The following TFCP2L1 variants were observed in gnomAD, a reference collection of about 807,000 sequenced individuals.
TFCP2L1 encodes transcription factor CP2-like protein 1.
A neutral mutation model predicts 72.2 loss-of-function variants in TFCP2L1; 12 were observed. The ratio of observed to expected loss-of-function variants is 0.17; its 90% CI spans 0.11 to 0.27. The LOEUF is 0.27. Among genes scored for constraint, TFCP2L1 ranks in the 10% least tolerant of loss-of-function variants. The pLI is 1.00. For missense variants in TFCP2L1, 488 were observed against 624.6 expected, an observed-to-expected ratio of 0.78 and a Z score of 2.33; for synonymous variants, 260 against 251.0, an observed-to-expected ratio of 1.04 and a Z score of -0.34.
rs1686999908 is a variant in TFCP2L1, at chr2:121,269,457, C to T, written c.214+11663G>A. On this transcript the variant is annotated intron_variant, in intron 2 of 14. Coordinates refer to ENST00000263707, the MANE Select transcript of TFCP2L1 (RefSeq NM_014553.3). ...AGGTGAGACCCTGTCAAAACAACAA[C>T]AACAAAAAAACTTTTATTATGGGCT... is the stretch of plus-strand genomic sequence containing the variant. Among the ~76,000 whole-genome samples, 4 of 149,366 alleles carry T rather than the reference C, an allele frequency of 2.7e-5. No individual in the cohort carries two copies. In the South Asian group the frequency reaches 8.8e-4, roughly 33 times the overall value.
intron 2 of TFCP2L1, among the ~76,000 whole-genome samples, chr2:121,252,104 C>T (rs940962561): frequency 6.6e-6 from 1 of 152,188 alleles, no homozygotes; most frequent in Admixed American, 6.5e-5. Flanking sequence ...GGTTAGAGTG[C>T]AGTGGCACAA....
At chr2:121,278,197 C>T (rs1209375379) in intron 2 of TFCP2L1, among the ~76,000 whole-genome samples, 9 of 147,708 alleles carry the variant, frequency 6.1e-5, no homozygotes, top group East Asian at 2.0e-4. Context: ...CCACCGCGCC[C>T]GGCTAATTTT....
chr2:121,265,357 T>C (rs549754520), intron 2 of TFCP2L1, among the ~76,000 whole-genome samples: 20 of 152,310 alleles, frequency 1.3e-4, no homozygotes, highest in African/African-American at 4.6e-4. Context: ...AGGATTTCTC[T>C]AAGAAGGGAC....
At chr2:121,251,157 G>A (rs1449773149) in intron 2 of TFCP2L1, among the ~76,000 whole-genome samples, 1 of 151,802 alleles carries the variant, frequency 6.6e-6, no homozygotes, top group Non-Finnish European at 1.5e-5. Context: ...TCAGGAGACT[G>A]AGACAGGAGA....
intron 2 of TFCP2L1, among the ~76,000 whole-genome samples, chr2:121,257,237 C>G (rs1323835501): frequency 6.6e-6 from 1 of 152,054 alleles, no homozygotes; most frequent in Non-Finnish European, 1.5e-5. Flanking sequence ...CCACTCACCA[C>G]CCACCCCCAC....
intron 8 of TFCP2L1, among the ~76,000 whole-genome samples, chr2:121,238,170 G>A (rs1686290246): frequency 6.6e-6 from 1 of 152,104 alleles, no homozygotes; most frequent in Non-Finnish European, 1.5e-5. Context: ...TCTTGAACTT[G>A]GAGATTCAAA....
Position 121,242,385 on chromosome 2 carries a change from A to T in TFCP2L1, c.742T>A (p.Ser248Thr). ...TAQEKEKYQP[S>T]YETTILTECS... is the part of the protein sequence containing the mutation. The stretch of plus-strand genomic sequence containing the variant: ...TCTGTGAGGATGGTGGTTTCATAGG[A>T]CGGCTGGTATTTCTCCTTCTCTTGG... The change falls in exon 7 of 15, where the codon TCC becomes ACC. Residue 248 changes from serine to threonine, a missense_variant. By Grantham distance (58) the Ser-to-Thr change is moderately conservative (BLOSUM62 1). Around this residue, in one of 3 missense-constraint regions of TFCP2L1, gnomAD observed 286 missense variants for 329.0 expected, o/e 0.87. Transcript: ENST00000263707. The T allele has an allele frequency of 6.2e-7, 1 of 1,614,070 alleles. No individual in the cohort carries two copies. Among genetic ancestry groups the T allele is most frequent in the Non-Finnish European group, 8.5e-7 (1 of 1,179,998 alleles).
intron 7 of TFCP2L1, among the ~76,000 whole-genome samples, 168 bp from the exon 8 acceptor site, chr2:121,239,817 G>A (rs1030863210): frequency 2.6e-5 from 4 of 152,194 alleles, no homozygotes; most frequent in Non-Finnish European, 2.9e-5. Context: ...GGCAGGTTAC[G>A]AGGGCCACAT....
intron 1 of TFCP2L1, among the ~76,000 whole-genome samples, chr2:121,283,843 ATC>A (rs1191169655): frequency 7.9e-5 from 12 of 152,214 alleles, no homozygotes; most frequent in African/African-American, 2.9e-4. Flanking sequence ...TGGACACTTA[ATC>A]TCTGGGTGAT....
At chr2:121,240,882 A>G (rs1362898501) in intron 7 of TFCP2L1, among the ~76,000 whole-genome samples, 1 of 152,194 alleles carries the variant, frequency 6.6e-6, no homozygotes, top group Non-Finnish European at 1.5e-5. Flanking sequence ...GCCAGTGCAC[A>G]TCTATCTGAC....
chr2:121,284,989 A>C, intron 1 of TFCP2L1, 59 bp downstream of exon 1: 1 of 1,409,754 alleles, frequency 7.1e-7, no homozygotes, highest in South Asian at 1.5e-5. Context: ...CTGGACGTCC[A>C]ACGGCGCCCG....
At chr2:121,255,279 C>G (rs1209742519) in intron 2 of TFCP2L1, among the ~76,000 whole-genome samples, 3 of 152,164 alleles carry the variant, frequency 2.0e-5, no homozygotes, top group African/African-American at 7.2e-5. Flanking sequence ...TGTTTGTTTC[C>G]TACGTTCTTA....
Position 121,281,193 on chromosome 2 carries a change from C to A in TFCP2L1, c.141G>T (p.Leu47=). 1 of 1,613,140 alleles carries A rather than the reference C, an allele frequency of 6.2e-7. No individual in the cohort carries two copies. ...SPENEARLPP[L]QYVLCAATSP... ...ACGTGGCAGCACACAACACATATTG[C>A]AGGGGTGGCAGGCGGGCCTCGTTCT... is the stretch of plus-strand genomic sequence containing the variant. Residue 47 remains leucine, a synonymous_variant, in exon 2 of 15, where the codon CTG becomes CTT. Coordinates refer to ENST00000263707, the MANE Select transcript of TFCP2L1 (RefSeq NM_014553.3).
rs558045783 is a variant in TFCP2L1, at chr2:121,256,881, G to A, written c.215-7234C>T. On this transcript the variant is annotated intron_variant, in intron 2 of 14. Transcript: ENST00000263707. The stretch of plus-strand genomic sequence containing the variant: ...CGAGGCAGGAGAACCGCTTGAACCC[G>A]GGAGGCAGAGCATAGGTTGTTGGAG... Among the ~76,000 whole-genome samples, 6 of 152,176 alleles carry A rather than the reference G, an allele frequency of 3.9e-5. No individual in the cohort carries two copies. In the South Asian group the frequency reaches 6.2e-4, roughly 16 times the overall value.
intron 2 of TFCP2L1, among the ~76,000 whole-genome samples, chr2:121,265,260 A>G (rs185242996): frequency 5.9e-5 from 9 of 152,354 alleles, no homozygotes; most frequent in East Asian, 3.9e-4. Flanking sequence ...TGAAAAGTCT[A>G]GAATAGGCAA....
chr2:121,238,656 C>T lies in TFCP2L1; in HGVS notation c.861-806G>A, dbSNP rs1007820962. Among the ~76,000 whole-genome samples the T allele has an allele frequency of 5.9e-5, 9 of 152,188 alleles. No homozygotes were observed. In the South Asian group the frequency reaches 1.2e-3, roughly 21 times the overall value. ...CCAAGTGTCTACAGGGTGCAAGCAT[C>T]GTACACTTGTTCCTCCCGACCCTGT... On this transcript the variant is annotated intron_variant, in intron 8 of 14. Transcript: ENST00000263707.
chr2:121,271,288 G>C (rs139225057), intron 2 of TFCP2L1, among the ~76,000 whole-genome samples: 1 of 151,854 alleles, frequency 6.6e-6, no homozygotes, highest in East Asian at 1.9e-4. Flanking sequence ...TACACGTGGC[G>C]AACATATATA....
chr2:121,249,164 G>T (rs1186530013), intron 3 of TFCP2L1, 77 bp from the exon 4 acceptor site: 15 of 1,172,270 alleles, frequency 1.3e-5, no homozygotes, highest in African/African-American at 1.6e-5. Context: ...CTGAGCCACA[G>T]TAAACCCTCC....
At chr2:121,270,825 T>C (rs1343369369) in intron 2 of TFCP2L1, among the ~76,000 whole-genome samples, 1 of 151,254 alleles carries the variant, frequency 6.6e-6, no homozygotes, top group Non-Finnish European at 1.5e-5. Context: ...GCTATGATTG[T>C]GTCACTGCAC....
Sources: allele counts gnomAD v4.1 joint callset (sites outside exome capture counted in the v4.1 genomes callset), GRCh38; gene constraint gnomAD v4.1.1; regional missense constraint gnomAD v4.1.1; transcripts MANE v1.5; gene names NCBI Gene and HGNC (gene_info 2026-07-23, HGNC 2026-07-21).